The following DNAI1 variants were observed in gnomAD, a reference collection of about 807,000 sequenced individuals.
DNAI1 encodes the protein dynein, axonemal, intermediate polypeptide 1.
Under a neutral mutation model 92.0 loss-of-function variants are expected in DNAI1, and 67 were observed. The observed-to-expected ratio is 0.73, with a 90% CI of 0.60 to 0.89. DNAI1 has a LOEUF of 0.89. Among genes scored for constraint, DNAI1 ranks in the 40% least tolerant of loss-of-function variants. The pLI, the probability that DNAI1 is intolerant of heterozygous loss-of-function variation, is 0.00. For missense variants in DNAI1, 839 were observed against 866.6 expected, an observed-to-expected ratio of 0.97 and a Z score of 0.40; for synonymous variants, 323 against 319.6, an observed-to-expected ratio of 1.01 and a Z score of -0.11.
At position 34,485,166 on chromosome 9, in the gene DNAI1, G is replaced by C; in HGVS notation, c.106G>C (p.Gly36Arg). The C allele has an allele frequency of 6.2e-7, 1 of 1,614,164 alleles. No homozygotes were observed. The highest frequency in any genetic ancestry group is 1.1e-5 in the South Asian group (1 of 91,082). ...GGATGAAGATTCAGGGACTGAAGTG[G>C]GAGAAGGCACAGATGAATGGGCCCA... is the stretch of plus-strand genomic sequence containing the variant. ...KRDEDSGTEV[G>R]EGTDEWAQSK... The change falls in exon 3 of 20, where the codon GGA becomes CGA. Residue 36 changes from glycine to arginine, a missense_variant. Physicochemically the swap from Gly to Arg is moderately radical, Grantham distance 125. Coordinates refer to ENST00000242317, the MANE Select transcript of DNAI1 (RefSeq NM_012144.4).
chr9:34,483,982 G>A (rs903443325), intron 2 of DNAI1, among the ~76,000 whole-genome samples: 63 of 152,248 alleles, frequency 4.1e-4, no homozygotes, highest in African/African-American at 1.3e-3. Flanking sequence ...TTGGGAGGCC[G>A]AGGCAGGTGG....
At chr9:34,503,354 A>T (rs1265830353) in intron 12 of DNAI1, among the ~76,000 whole-genome samples, 1 of 152,136 alleles carries the variant, frequency 6.6e-6, no homozygotes, top group East Asian at 1.9e-4. Context: ...TAGCTGCTGG[A>T]TGGGGTCACT....
intron 10 of DNAI1, 134 bp from the exon 11 acceptor site, chr9:34,500,588 T>G: frequency 1.4e-6 from 1 of 692,544 alleles, no homozygotes; most frequent in Non-Finnish European, 2.6e-6. Context: ...AACTCTGAGA[T>G]AGGTAGTAGT....
intron 11 of DNAI1, 75 bp from the exon 12 acceptor site, chr9:34,501,063 C>T: frequency 7.8e-7 from 1 of 1,274,246 alleles, no homozygotes; most frequent in Non-Finnish European, 1.1e-6. Flanking sequence ...GGCACCAGTG[C>T]CAATGGGAAG....
chr9:34,505,518 G>A (rs889355456), intron 12 of DNAI1, among the ~76,000 whole-genome samples: 20 of 152,158 alleles, frequency 1.3e-4, no homozygotes, highest in Non-Finnish European at 2.2e-4. Context: ...CAGGCTCAGG[G>A]GATTAGGATA....
At chr9:34,492,493 G>GAGATAGATATATATATATATATATATAT in intron 8 of DNAI1, among the ~76,000 whole-genome samples, 1 of 68,268 alleles carries the variant, frequency 1.5e-5, no homozygotes, top group African/African-American at 5.1e-5. Context: ...GGGATATGAA[G>GAGATAGATATATATATATATATATATAT]ATATATATAT....
chr9:34,488,146 G>A (rs545969994), intron 4 of DNAI1: 1 of 288,788 alleles, frequency 3.5e-6, no homozygotes, highest in Non-Finnish European at 7.0e-6. Context: ...TTAATAGGTT[G>A]TTTTTATTAT....
chr9:34,488,832 A>G (rs1362937850), intron 4 of DNAI1, among the ~76,000 whole-genome samples: 2 of 152,190 alleles, frequency 1.3e-5, no homozygotes, highest in Non-Finnish European at 2.9e-5. Context: ...ATGCCAACCC[A>G]TATCTTTTCT....
At chr9:34,508,134 A>G (rs1356229862) in intron 13 of DNAI1, among the ~76,000 whole-genome samples, 2 of 152,238 alleles carry the variant, frequency 1.3e-5, no homozygotes, top group Non-Finnish European at 2.9e-5. Flanking sequence ...CTCATCAGAC[A>G]GCAGTGGGAC....
chr9:34,520,678 G>A lies in DNAI1; in HGVS notation c.2022G>A (p.Val674=), dbSNP rs933564569. The part of the protein sequence containing the change: ...KMPKEKKGQE[V]QKGPAVEIAK... The stretch of plus-strand genomic sequence containing the variant: ...CCCAGGAAAAGAAGGGGCAGGAGGT[G>A]CAGAAGGGTCCAGCTGTGGAGATTG... Residue 674 remains valine (V), a synonymous_variant, in exon 20 of 20, where the codon GTG becomes GTA. Transcript: ENST00000242317. 1.3e-6 allele frequency: 2 copies of A among 1,551,670 alleles called. No individual in the cohort carries two copies. The highest frequency in any genetic ancestry group is 1.7e-6 in the Non-Finnish European group (2 of 1,146,980).
At chr9:34,519,962 A>G (rs755767761) in intron 19 of DNAI1, among the ~76,000 whole-genome samples, 1 of 152,150 alleles carries the variant, frequency 6.6e-6, no homozygotes, top group Non-Finnish European at 1.5e-5. Context: ...CCAACTTATA[A>G]TGGAAGGATT....
rs1271867592 is a variant in DNAI1 at position 34,492,493 on chromosome 9, G to GAGAGATAT, written c.682-700_682-699insGAGATATA. ...TCCGGGGTGGGGGTGGGGATATGAA[G>GAGAGATAT]ATATATATATATATATATATATATA... On this transcript the variant is annotated intron_variant, in intron 8 of 19. Coordinates refer to ENST00000242317, the MANE Select transcript of DNAI1 (RefSeq NM_012144.4). 7.3e-5 allele frequency among the ~76,000 whole-genome samples: 5 copies of GAGAGATAT among 68,258 alleles called. 1 individual carries two copies. The highest frequency in any genetic ancestry group is 4.5e-4 in the South Asian group (1 of 2,220). 44.8% of individuals were successfully genotyped at this position (68,258 alleles called of 152,430 possible).
chr9:34,463,178 G>T (rs1245748468), intron 1 of DNAI1, among the ~76,000 whole-genome samples: 2 of 152,110 alleles, frequency 1.3e-5, no homozygotes, highest in Non-Finnish European at 2.9e-5. Flanking sequence ...GAAGGGATGG[G>T]GATAGGGGAG....
chr9:34,475,918 A>C (rs1275461413), intron 1 of DNAI1, among the ~76,000 whole-genome samples: 1 of 152,200 alleles, frequency 6.6e-6, no homozygotes, highest in East Asian at 1.9e-4. Context: ...GGACAAATAG[A>C]TCGCTTACAT....
At chr9:34,486,881 G>C (rs1178365985) in intron 4 of DNAI1, among the ~76,000 whole-genome samples, 1 of 152,150 alleles carries the variant, frequency 6.6e-6, no homozygotes, top group African/African-American at 2.4e-5. Context: ...TACACCATGT[G>C]GTCTTTTGTG....
intron 1 of DNAI1, among the ~76,000 whole-genome samples, chr9:34,462,437 G>T (rs960236572): frequency 6.6e-6 from 1 of 152,164 alleles, no homozygotes; most frequent in Non-Finnish European, 1.5e-5. Context: ...AGGCAGGATA[G>T]GGTGATATCC....
At chr9:34,503,351 T>C (rs1215089756) in intron 12 of DNAI1, among the ~76,000 whole-genome samples, 1 of 152,180 alleles carries the variant, frequency 6.6e-6, no homozygotes, top group African/African-American at 2.4e-5. Context: ...CCCTAGCTGC[T>C]GGATGGGGTC....
chr9:34,472,322 C>T (rs185118591), intron 1 of DNAI1, among the ~76,000 whole-genome samples: 16 of 152,322 alleles, frequency 1.1e-4, no homozygotes, highest in Non-Finnish European at 2.2e-4. Context: ...CAACGTCTTA[C>T]ATATAATTCG....
chr9:34,490,279 G>A lies in DNAI1; in HGVS notation c.502-90G>A, dbSNP rs2274589. The A allele has an allele frequency of 0.011, 18,248 of 1,611,408 alleles. 756 individuals carry two copies. In the East Asian group the frequency reaches 0.11, roughly 10 times the overall value. On this transcript the variant is annotated intron_variant, in intron 6 of 19. Transcript: ENST00000242317. The stretch of plus-strand genomic sequence containing the variant: ...GGCAGCATCACTCTCTCCTACCTCT[G>A]TCCTATCCTAGGACAGGGCTTGCCC...
Sources: allele counts gnomAD v4.1 joint callset (sites outside exome capture counted in the v4.1 genomes callset), GRCh38; gene constraint gnomAD v4.1.1; transcripts MANE v1.5; gene names NCBI Gene and HGNC (gene_info 2026-07-23, HGNC 2026-07-21).